TACC2: variants seen among roughly 807,000 people sequenced by gnomAD.
TACC2 encodes transforming acidic coiled-coil-containing protein 2.
In TACC2, 137 loss-of-function variants were observed where a neutral mutation model predicts 227.3. The ratio of observed to expected loss-of-function variants is 0.60; its 90% CI spans 0.52 to 0.69. The LOEUF (loss-of-function observed/expected upper bound fraction) is 0.69. Ranked by LOEUF, TACC2 falls within the 30% of genes least tolerant of loss-of-function variation. TACC2 has a pLI of 0.00. For synonymous variants in TACC2, 1,523 were observed against 1,487.5 expected (o/e 1.02, Z -0.55); for missense variants, 3,470 against 3,694.4 (o/e 0.94, Z 1.57).
intron 8 of TACC2, among the ~76,000 whole-genome samples, chr10:122,198,562 G>A (rs2094659056): frequency 6.6e-6 from 1 of 152,222 alleles, no homozygotes; most frequent in African/African-American, 2.4e-5. Flanking sequence ...CCACTCAGGT[G>A]AGGGAGGATC....
rs1376528784 is a variant in TACC2, at chr10:122,141,448, A to G, written c.5700-2124A>G. 1.3e-5 allele frequency among the ~76,000 whole-genome samples: 2 copies of G among 152,146 alleles called. No homozygotes were observed. Among genetic ancestry groups the G allele is most frequent in the East Asian group, 1.9e-4 (1 of 5,194 alleles). ...TGTGGCCATGGCAGTTGGGACCAAC[A>G]GAAGGAAGGGAGGAGGGAGCAGCCA... On this transcript the variant is annotated intron_variant, in intron 6 of 22. Transcript: ENST00000369005. This position sits in a 1 kb window ranked among gnomAD's most constrained non-coding sequence, Gnocchi z 4.3.
At position 122,229,459 on chromosome 10, in the gene TACC2, C is replaced by T. The variant is rs147846497; in HGVS notation, c.8010C>T (p.Asn2670=). 43 of 1,613,992 alleles carry T rather than the reference C, an allele frequency of 2.7e-5. No individual in the cohort carries two copies. The African/African-American group carries it at 4.7e-4, about 18-fold the overall frequency. The change falls in exon 15 of 23, where the codon AAC becomes AAT. Residue 2670 remains asparagine, a synonymous_variant. Transcript: ENST00000369005. ...DYLEPDLAEK[N]PPLFAQKLQE... ...TGGAGCCCGACTTAGCAGAAAAGAA[C>T]CCCCCACTATTCGCTCAGAAACTCC...
intron 5 of TACC2, among the ~76,000 whole-genome samples, chr10:122,097,840 T>C (rs2081631902): frequency 6.6e-6 from 1 of 151,958 alleles, no homozygotes; most frequent in Non-Finnish European, 1.5e-5. Context: ...GTGGACAAGG[T>C]CCCTGAGCTG....
Position 122,163,047 on chromosome 10 carries a change from C to T in TACC2, c.5834+19341C>T, listed in dbSNP as rs374023989. Among the ~76,000 whole-genome samples the T allele has an allele frequency of 2.8e-4, 42 of 152,142 alleles. No homozygotes were observed. In the East Asian group the frequency reaches 4.7e-3, roughly 17 times the overall value. On this transcript the variant is annotated intron_variant, in intron 7 of 22. Coordinates refer to ENST00000369005, the MANE Select transcript of TACC2 (RefSeq NM_206862.4). ...GCTTGCCCCAGGCCCTCAGACTGTG[C>T]GGTGCAAAGGTCCTTGGAGGCTAGC...
At chr10:122,010,093 CAT>C (rs1479012583) in intron 1 of TACC2, among the ~76,000 whole-genome samples, 1 of 152,226 alleles carries the variant, frequency 6.6e-6, no homozygotes, top group African/African-American at 2.4e-5. Flanking sequence ...TCTGCTCTGA[CAT>C]GTGTGTCATC....
chr10:122,161,415 T>A (rs1207636281), intron 7 of TACC2, among the ~76,000 whole-genome samples: 1 of 152,248 alleles, frequency 6.6e-6, no homozygotes, highest in Non-Finnish European at 1.5e-5. Flanking sequence ...TTTTTTCTTA[T>A]AAATAAGAAT....
intron 7 of TACC2, among the ~76,000 whole-genome samples, chr10:122,186,984 C>T (rs562474232): frequency 1.3e-5 from 2 of 152,226 alleles, no homozygotes; most frequent in African/African-American, 4.8e-5. Context: ...GAAGGCGTAG[C>T]AGGATCTAGT....
chr10:122,018,064 A>G (rs888923745), intron 1 of TACC2, among the ~76,000 whole-genome samples: 2 of 149,430 alleles, frequency 1.3e-5, no homozygotes, highest in Non-Finnish European at 3.0e-5. Flanking sequence ...TTACATAGGT[A>G]TATGTGTGCC....
At chr10:122,250,001 G>A (rs776099583) in intron 22 of TACC2, among the ~76,000 whole-genome samples, 4 of 152,200 alleles carry the variant, frequency 2.6e-5, no homozygotes, top group Non-Finnish European at 5.9e-5. Flanking sequence ...TGCTTACTGG[G>A]TGAGTGGATG....
chr10:122,158,351 T>C (rs2092616589), intron 7 of TACC2, among the ~76,000 whole-genome samples: 1 of 151,486 alleles, frequency 6.6e-6, no homozygotes, highest in African/African-American at 2.4e-5. Context: ...ATCGTGCCAC[T>C]GCACTCCAGC....
chr10:122,003,183 C>T (rs142272819), intron 1 of TACC2, among the ~76,000 whole-genome samples: 20 of 151,874 alleles, frequency 1.3e-4, no homozygotes, highest in African/African-American at 2.4e-4. Context: ...CTAGCCTAGA[C>T]GACAAAGCAA....
chr10:122,032,999 C>A (rs1231870624), intron 2 of TACC2: 8 of 753,072 alleles, frequency 1.1e-5, no homozygotes, highest in Admixed American at 5.7e-5. Context: ...ACAACAACAA[C>A]AAAAACAAAA....
Position 122,237,429 on chromosome 10 carries a change from C to G in TACC2, c.8162C>G (p.Ser2721Cys). 1.2e-6 allele frequency: 2 copies of G among 1,613,968 alleles called. No individual in the cohort carries two copies. Among genetic ancestry groups the G allele is most frequent in the Non-Finnish European group, 1.7e-6 (2 of 1,179,894 alleles). ...GCTCACCCAACAGACGTCTCCATCT[C>G]CAAAACAGCCTTGTACTCCCGCATC... ...EAAHPTDVSI[S>C]KTALYSRIGT... is the part of the protein sequence containing the mutation. Residue 2721 changes from serine to cysteine, a missense_variant, in exon 17 of 23, where the codon TCC becomes TGC. By Grantham distance (112) the Ser-to-Cys change is moderately radical. This residue lies in a region of TACC2 where 345 missense variants were observed against 354.4 expected (regional missense o/e 0.97). Transcript: ENST00000369005.
At chr10:122,178,488 A>G (rs951214658) in intron 7 of TACC2, among the ~76,000 whole-genome samples, 1 of 151,986 alleles carries the variant, frequency 6.6e-6, no homozygotes, top group African/African-American at 2.4e-5. Flanking sequence ...CTGCCCTCCT[A>G]GACCTCCCAA....
intron 1 of TACC2, chr10:122,019,669 G>T (rs1187598893): frequency 3.3e-5 from 5 of 152,258 alleles, no homozygotes; most frequent in African/African-American, 1.2e-4. Flanking sequence ...GGGCAGGAAC[G>T]CTTGTCTAAT....
rs1372152237 is a variant in TACC2, at chr10:122,084,330, A to G, written c.1830A>G (p.Val610=). The G allele has an allele frequency of 6.2e-7, 1 of 1,613,898 alleles. No individual in the cohort carries two copies. The highest frequency in any genetic ancestry group is 8.5e-7 in the Non-Finnish European group (1 of 1,180,052). Residue 610 remains valine (V), a synonymous_variant, in exon 4 of 23, where the codon GTA becomes GTG. Coordinates refer to ENST00000369005, the MANE Select transcript of TACC2 (RefSeq NM_206862.4). ...TCAGCAGCAAGCGTGATCCAGAAGT[A>G]GGCAAAGATGAGCTTTCAAAGCCAA... ...QAFSSKRDPE[V]GKDELSKPSS... is the part of the protein sequence containing the mutation.
intron 8 of TACC2, among the ~76,000 whole-genome samples, chr10:122,196,163 A>G (rs1181189273): frequency 6.6e-6 from 1 of 152,238 alleles, no homozygotes; most frequent in Non-Finnish European, 1.5e-5. Flanking sequence ...GAGCCAGGTA[A>G]ACTGAACAAT....
chr10:122,029,065 T>C (rs921334099), intron 2 of TACC2, among the ~76,000 whole-genome samples: 14 of 137,262 alleles, frequency 1.0e-4, no homozygotes, highest in African/African-American at 4.0e-4. Context: ...TTCAGTCCTG[T>C]GTTAAACAAG....
Position 122,237,455 on chromosome 10 carries a change from G to C in TACC2, c.8188G>C (p.Gly2730Arg), listed in dbSNP as rs61753077. The change falls in exon 17 of 23, where the codon GGG (glycine) becomes CGG (arginine). Residue 2730 changes from glycine (G) to arginine (R), a missense_variant. Transcript: ENST00000369005. ...CAAAACAGCCTTGTACTCCCGCATC[G>C]GGACCGCTGAGGTGGAGAAACCTGC... Reference protein sequence around the residue: ...ISKTALYSRIGTAEVEKPAGL... With the variant: ...ISKTALYSRIRTAEVEKPAGL... The C allele has an allele frequency of 5.6e-6, 9 of 1,613,970 alleles. No individual in the cohort carries two copies. The highest frequency in any genetic ancestry group is 7.6e-6 in the Non-Finnish European group (9 of 1,179,964).
Sources: gnomAD v4.1 joint callset for allele counts (sites outside exome capture counted in the v4.1 genomes callset) on GRCh38, gnomAD v4.1.1 for gene constraint, gnomAD v4.1.1 regional missense constraint, Gnocchi (gnomAD v3.1) non-coding constraint, MANE v1.5 for transcripts, NCBI Gene and HGNC (gene_info 2026-07-23, HGNC 2026-07-21) for gene names.